FGF20: variants seen among roughly 807,000 people sequenced by gnomAD.
FGF20 encodes the protein fibroblast growth factor 20.
In FGF20, 8 loss-of-function variants were observed where a neutral mutation model predicts 16.7. That is an observed-to-expected ratio of 0.48 (90% CI 0.28 to 0.87). FGF20 has a LOEUF of 0.87. FGF20 is among the 40% of genes least tolerant of loss of function. FGF20 has a pLI of 0.10. For synonymous variants in FGF20, 161 were observed against 118.6 expected, an observed-to-expected ratio of 1.36 and a Z score of -2.32; for missense variants, 397 against 281.4, an observed-to-expected ratio of 1.41 and a Z score of -2.94.
At chr8:16,996,303 G>A (rs1307360968) in intron 1 of FGF20, among the ~76,000 whole-genome samples, 8 of 152,074 alleles carry the variant, frequency 5.3e-5, no homozygotes, top group Non-Finnish European at 8.8e-5. Flanking sequence ...AAAGTACTAC[G>A]ACAATGGTAT....
intron 1 of FGF20, among the ~76,000 whole-genome samples, chr8:16,999,967 A>G (rs1047189174): frequency 1.8e-4 from 28 of 152,152 alleles, no homozygotes; most frequent in African/African-American, 6.8e-4. Context: ...TTATTTCTAA[A>G]TCTTTCTGGT....
chr8:16,998,793 T>C (rs1477966683), intron 1 of FGF20, among the ~76,000 whole-genome samples: 1 of 151,832 alleles, frequency 6.6e-6, no homozygotes, highest in African/African-American at 2.4e-5. Flanking sequence ...CATGTTTACA[T>C]ATTAGGTAAG....
At position 16,993,024 on chromosome 8, in the gene FGF20, A is replaced by G. The variant is rs1004331933; in HGVS notation, c.*48T>C. On this transcript the variant is annotated 3_prime_UTR_variant, in exon 3 of 3. Transcript: ENST00000180166. Reference sequence around the variant, plus strand: ...TTATTTTATGATGGGAACTATGACAAGAAAGAATGGTTGTGGTTTGACTCT... The same window carrying G: ...TTATTTTATGATGGGAACTATGACAGGAAAGAATGGTTGTGGTTTGACTCT... 3 of 1,584,466 alleles carry G rather than the reference A, an allele frequency of 1.9e-6. No homozygotes were observed. In the African/African-American group the frequency reaches 4.1e-5, roughly 22 times the overall value.
rs1388551553 is a variant in FGF20, at chr8:17,001,945, C to T, written c.88G>A (p.Ala30Thr). The change falls in exon 1 of 3, where the codon GCC becomes ACC. Residue 30 changes from alanine to threonine, a missense_variant. Ala to Thr is a moderately conservative substitution (Grantham distance 58). Coordinates refer to ENST00000180166, the MANE Select transcript of FGF20 (RefSeq NM_019851.3). The stretch of plus-strand genomic sequence containing the variant: ...CCCAGCAGCGGCGGCCGCTCCCCGG[C>T]AGGAGGCAACAGGAAATGCGAACCC... Reference protein sequence around the residue: ...QVGSHFLLPPAGERPPLLGER... With the variant: ...QVGSHFLLPPTGERPPLLGER... 6.6e-5 allele frequency: 99 copies of T among 1,498,748 alleles called. No individual in the cohort carries two copies. Among genetic ancestry groups the T allele is most frequent in the Non-Finnish European group, 8.5e-5 (96 of 1,125,408 alleles). The allele number at this position is 1,498,748 out of a possible 1,614,324, so 92.8% of individuals were successfully genotyped here.
In FGF20 at chr8:17,001,805, G is replaced by A. The variant is rs752092619; in HGVS notation, c.228C>T (p.His76=). Residue 76 remains histidine (H), a synonymous_variant, in exon 1 of 3, where the codon CAC becomes CAT. Coordinates refer to ENST00000180166, the MANE Select transcript of FGF20 (RefSeq NM_019851.3). ...RRQLYCRTGF[H]LQILPDGSVQ... Reference sequence around the variant, plus strand: ...CGCTGCCGTCGGGCAGGATCTGCAGGTGGAAGCCGGTGCGGCAATAGAGCT... The same window carrying A: ...CGCTGCCGTCGGGCAGGATCTGCAGATGGAAGCCGGTGCGGCAATAGAGCT... The A allele has an allele frequency of 9.6e-6, 15 of 1,560,208 alleles. No homozygotes were observed. The highest frequency in any genetic ancestry group is 2.3e-4 in the Middle Eastern group (1 of 4,442).
At chr8:16,998,617 A>T (rs1810110659) in intron 1 of FGF20, among the ~76,000 whole-genome samples, 1 of 152,182 alleles carries the variant, frequency 6.6e-6, no homozygotes, top group South Asian at 2.1e-4. Context: ...CCTTTCTGGT[A>T]TCACCTTCAA....
rs904598532 is a variant in FGF20, at chr8:16,992,925, T to C, written c.*147A>G. 2 of 1,079,604 alleles carry C rather than the reference T, an allele frequency of 1.9e-6. No homozygotes were observed. The highest frequency in any genetic ancestry group is 2.7e-5 in the Admixed American group (1 of 36,854). 66.9% of individuals were successfully genotyped at this position (1,079,604 alleles called of 1,614,324 possible). A position where few individuals can be genotyped will look rare whatever the true frequency, so the allele number is the denominator to read the frequency against. On this transcript the variant is annotated 3_prime_UTR_variant, in exon 3 of 3. Transcript: ENST00000180166. ...TAGTCAAAATTTTTTTTGGTTTTTT[T>C]TCTCAATATTCTTTCCAAATCCAGT...
At chr8:17,000,098 A>G (rs1810148394) in intron 1 of FGF20, among the ~76,000 whole-genome samples, 1 of 152,028 alleles carries the variant, frequency 6.6e-6, no homozygotes, top group African/African-American at 2.4e-5. Context: ...ACAGTGGCTC[A>G]TGCCTGTAAT....
intron 2 of FGF20, 137 bp downstream of exon 2, chr8:16,995,518 C>T: frequency 2.3e-6 from 1 of 437,200 alleles, no homozygotes; most frequent in Non-Finnish European, 4.0e-6. Context: ...GGAAATTTAG[C>T]AGGATAGATT....
In FGF20 at chr8:16,995,900, C is replaced by A. The variant is rs368522303; in HGVS notation, c.287-142G>T. On this transcript the variant is annotated intron_variant, in intron 1 of 2. Coordinates refer to ENST00000180166, the MANE Select transcript of FGF20 (RefSeq NM_019851.3). ...TGTACGTGTAAAAGTCCTTTGTACA[C>A]TGGAAACAGCTATGCAATTGTTTTA... 22 of 504,876 alleles carry A rather than the reference C, an allele frequency of 4.4e-5. No individual in the cohort carries two copies. The South Asian group carries it at 7.7e-4, about 18-fold the overall frequency. 31.3% of individuals were successfully genotyped at this position (504,876 alleles called of 1,614,324 possible).
intron 2 of FGF20, among the ~76,000 whole-genome samples, chr8:16,994,983 A>T (rs961541910): frequency 6.6e-6 from 1 of 152,096 alleles, no homozygotes; most frequent in Non-Finnish European, 1.5e-5. Context: ...TTGTTCTAAA[A>T]ACAAAAAAAA....
intron 1 of FGF20, among the ~76,000 whole-genome samples, chr8:16,998,499 T>C (rs1810107497): frequency 6.6e-6 from 1 of 152,208 alleles, no homozygotes; most frequent in Admixed American, 6.5e-5. Context: ...ACTAAGCTAA[T>C]TCCTTTACAA....
intron 2 of FGF20, among the ~76,000 whole-genome samples, chr8:16,994,150 C>T (rs1372281176): frequency 6.6e-6 from 1 of 152,126 alleles, no homozygotes; most frequent in Non-Finnish European, 1.5e-5. Flanking sequence ...CACCCTACTC[C>T]CGCCATCACT....
At chr8:16,997,317 C>A (rs909882685) in intron 1 of FGF20, among the ~76,000 whole-genome samples, 1 of 152,106 alleles carries the variant, frequency 6.6e-6, no homozygotes, top group Non-Finnish European at 1.5e-5. Context: ...TAGCATTCTA[C>A]CTTCACCCCT....
At position 17,002,320 on chromosome 8, in the gene FGF20, A is replaced by G. The variant is rs553932286; in HGVS notation, c.-288T>C. 20 of 365,172 alleles carry G rather than the reference A, an allele frequency of 5.5e-5. 1 individual carries two copies. Among genetic ancestry groups the G allele is most frequent in the South Asian group, 2.6e-4 (4 of 15,108 alleles). The allele number at this position is 365,172 out of a possible 1,614,324, so 22.6% of individuals were successfully genotyped here. ...ACTAGGGCTGTTGGCTGGGGCTCCA[A>G]TTCCGCAAACTGATCAGATCAGAGT... On this transcript the variant is annotated 5_prime_UTR_variant, in exon 1 of 3. Coordinates refer to ENST00000180166, the MANE Select transcript of FGF20 (RefSeq NM_019851.3).
intron 2 of FGF20, among the ~76,000 whole-genome samples, chr8:16,995,183 T>C (rs746642227): frequency 6.6e-6 from 1 of 152,250 alleles, no homozygotes; most frequent in Non-Finnish European, 1.5e-5. Context: ...GTTTGCCATC[T>C]TCTCCTGTTA....
rs752810859 is a variant in FGF20, at chr8:16,992,344, T to A, written c.*728A>T. On this transcript the variant is annotated 3_prime_UTR_variant, in exon 3 of 3. Transcript: ENST00000180166. Reference sequence around the variant, plus strand: ...TAAAAAGAAATTCAAAATCTGATTCTATGGTTAAGGTGGTATAATAATGTC... The same window carrying A: ...TAAAAAGAAATTCAAAATCTGATTCAATGGTTAAGGTGGTATAATAATGTC... The A allele has an allele frequency of 3.3e-5, 5 of 152,066 alleles. No homozygotes were observed. The highest frequency in any genetic ancestry group is 6.6e-5 in the Admixed American group (1 of 15,258). The allele number at this position is 152,066 out of a possible 1,614,324, so 9.4% of individuals were successfully genotyped here.
intron 1 of FGF20, among the ~76,000 whole-genome samples, chr8:17,000,951 A>G (rs1007489005): frequency 1.3e-5 from 2 of 152,004 alleles, no homozygotes; most frequent in African/African-American, 4.8e-5. Flanking sequence ...GTCGATACCA[A>G]GATACTTGCT....
At chr8:16,994,806 G>A (rs751857679) in intron 2 of FGF20, among the ~76,000 whole-genome samples, 47 of 152,158 alleles carry the variant, frequency 3.1e-4, no homozygotes, top group Non-Finnish European at 6.0e-4. Context: ...AAGAAGAGGA[G>A]TGGGATACTG....
Sources: gnomAD v4.1 joint callset for allele counts (sites outside exome capture counted in the v4.1 genomes callset) on GRCh38, gnomAD v4.1.1 for gene constraint, MANE v1.5 for transcripts, NCBI Gene and HGNC (gene_info 2026-07-23, HGNC 2026-07-21) for gene names.